The following SV2C variants were observed in gnomAD, a reference collection of about 807,000 sequenced individuals.
SV2C encodes the protein synaptic vesicle glycoprotein 2C.
Under a neutral mutation model 79.7 loss-of-function variants are expected in SV2C, and 49 were observed. That is an observed-to-expected ratio of 0.61 (90% confidence interval 0.49 to 0.78). The LOEUF (loss-of-function observed/expected upper bound fraction) is 0.78, where lower values mean the gene tolerates loss of function less well. Ranked by LOEUF, SV2C falls within the 30% of genes least tolerant of loss-of-function variation. SV2C has a pLI of 0.00. For missense variants in SV2C, 833 were observed against 912.9 expected (o/e 0.91, Z 1.13); for synonymous variants, 334 against 333.2 (o/e 1.00, Z -0.03).
the SV2C span, chr5:75,921,487 A>T: frequency 1.2e-6 from 1 of 800,718 alleles, no homozygotes; most frequent in Non-Finnish European, 2.3e-6. Flanking sequence ...TCTGGGTTGA[A>T]CTTAGGGTTC....
At chr5:76,111,401 TC>T (rs1286318080) in intron 1 of SV2C, among the ~76,000 whole-genome samples, 1 of 152,332 alleles carries the variant, frequency 6.6e-6, no homozygotes, top group Non-Finnish European at 1.5e-5. Context: ...TTTAAATAAT[TC>T]ATGTGAATTA....
At chr5:76,100,050 G>T (rs1415421756) in intron 1 of SV2C, among the ~76,000 whole-genome samples, 1 of 152,160 alleles carries the variant, frequency 6.6e-6, no homozygotes, top group Non-Finnish European at 1.5e-5. Flanking sequence ...AGCATTTATT[G>T]TATCAATTAG....
chr5:75,920,455 G>A, the SV2C span, among the ~76,000 whole-genome samples: 18 of 152,296 alleles, frequency 1.2e-4, no homozygotes, highest in Admixed American at 7.8e-4. Flanking sequence ...GAAGGCAGAG[G>A]CTAAAAAGCT....
chr5:75,914,843 T>G, the SV2C span, among the ~76,000 whole-genome samples: 34 of 152,362 alleles, frequency 2.2e-4, no homozygotes, highest in African/African-American at 7.7e-4. Context: ...GTTCTCATGC[T>G]GCTGATAATG....
At chr5:75,882,536 T>G in the SV2C span, among the ~76,000 whole-genome samples, 128 of 152,268 alleles carry the variant, frequency 8.4e-4, 1 homozygote, top group Admixed American at 4.3e-3. Context: ...AGCATGGTAC[T>G]GGTACCAAAA....
At chr5:75,995,600 C>T in the SV2C span, among the ~76,000 whole-genome samples, 2 of 152,086 alleles carry the variant, frequency 1.3e-5, no homozygotes, top group Non-Finnish European at 2.9e-5. Context: ...AACAACCATA[C>T]TCATTTTAAG....
chr5:75,876,502 G>A, the SV2C span, among the ~76,000 whole-genome samples: 4 of 152,164 alleles, frequency 2.6e-5, no homozygotes, highest in South Asian at 8.3e-4. Flanking sequence ...GAAATAATAT[G>A]TATAATAAAT....
the SV2C span, among the ~76,000 whole-genome samples, chr5:75,896,577 C>A: frequency 6.6e-6 from 1 of 151,894 alleles, no homozygotes; most frequent in African/African-American, 2.4e-5. Flanking sequence ...GGGTATATAC[C>A]CAGTAATGGG....
chr5:76,129,925 A>G (rs1469840310), intron 1 of SV2C, among the ~76,000 whole-genome samples: 2 of 152,012 alleles, frequency 1.3e-5, no homozygotes, highest in Non-Finnish European at 2.9e-5. Context: ...ATGGCAGTTT[A>G]TTTTATTTAT....
intron 1 of SV2C, among the ~76,000 whole-genome samples, chr5:76,109,541 G>A (rs144562494): frequency 1.9e-4 from 29 of 152,308 alleles, no homozygotes; most frequent in East Asian, 9.6e-4. Flanking sequence ...TCTCCCATAC[G>A]TGTGAATGTG....
the SV2C span, among the ~76,000 whole-genome samples, chr5:75,995,582 AATAAG>A: frequency 6.6e-6 from 1 of 152,170 alleles, no homozygotes; most frequent in Non-Finnish European, 1.5e-5. Context: ...AAGAAAAACA[AATAAG>A]ATAACAACCA....
chr5:75,910,434 T>C, the SV2C span: 1 of 599,632 alleles, frequency 1.7e-6, no homozygotes, highest in Non-Finnish European at 3.2e-6. Context: ...CTTTTTGAAC[T>C]TTCATGCATC....
At chr5:75,925,380 T>C in the SV2C span, among the ~76,000 whole-genome samples, 1 of 152,226 alleles carries the variant, frequency 6.6e-6, no homozygotes, top group South Asian at 2.1e-4. Flanking sequence ...AAATTACTTT[T>C]ACGATATTTA....
At chr5:76,279,873 A>T (rs1314186179) in intron 4 of SV2C, among the ~76,000 whole-genome samples, 2 of 152,150 alleles carry the variant, frequency 1.3e-5, no homozygotes, top group Non-Finnish European at 2.9e-5. Flanking sequence ...AGATACTTAC[A>T]GGAGTTCCGT....
the SV2C span, among the ~76,000 whole-genome samples, chr5:76,015,991 G>C: frequency 6.6e-6 from 1 of 151,894 alleles, no homozygotes; most frequent in Non-Finnish European, 1.5e-5. Context: ...CTTTTAGAAA[G>C]TAAAGGAATT....
the SV2C span, among the ~76,000 whole-genome samples, chr5:75,958,681 A>G: frequency 6.6e-6 from 1 of 151,888 alleles, no homozygotes; most frequent in Non-Finnish European, 1.5e-5. Flanking sequence ...TAGATTTCTA[A>G]TGGTCTCCTT....
At chr5:76,173,495 C>G in intron 2 of SV2C, 2 of 882,638 alleles carry the variant, frequency 2.3e-6, no homozygotes, top group Non-Finnish European at 1.9e-6. Flanking sequence ...AGCTTTCATC[C>G]GCCTCTTAAA....
At chr5:76,200,181 G>A (rs1318537893) in intron 3 of SV2C, among the ~76,000 whole-genome samples, 1 of 152,228 alleles carries the variant, frequency 6.6e-6, no homozygotes, top group East Asian at 1.9e-4. Context: ...CAGTGAGTCA[G>A]GCACTGAATC....
chr5:76,203,148 C>A (rs1454206916), intron 3 of SV2C, among the ~76,000 whole-genome samples: 1 of 152,178 alleles, frequency 6.6e-6, no homozygotes, highest in African/African-American at 2.4e-5. Context: ...AACAAAAGAT[C>A]TTCCAGACCC....
Sources: gnomAD v4.1 joint callset for allele counts (sites outside exome capture counted in the v4.1 genomes callset) on GRCh38, gnomAD v4.1.1 for gene constraint, MANE v1.5 for transcripts, NCBI Gene and HGNC (gene_info 2026-07-23, HGNC 2026-07-21) for gene names.